Variants in TMEM63C observed in about 807,000 individuals in gnomAD.
TMEM63C encodes osmosensitive cation channel TMEM63C.
A neutral mutation model predicts 99.2 loss-of-function variants in TMEM63C; 32 were observed. The observed-to-expected ratio is 0.32, with a 90% confidence interval of 0.24 to 0.43. TMEM63C has a LOEUF of 0.43. TMEM63C is among the 20% of genes least tolerant of loss of function. The pLI, the probability that TMEM63C is intolerant of heterozygous loss-of-function variation, is 1.00. For synonymous variants in TMEM63C, 376 were observed against 397.9 expected, an observed-to-expected ratio of 0.94 and a Z score of 0.66; for missense variants, 826 against 1,053.0, an observed-to-expected ratio of 0.78 and a Z score of 2.98.
intron 12 of TMEM63C, 128 bp from the exon 13 acceptor site, chr14:77,240,347 G>A: frequency 9.0e-7 from 1 of 1,113,740 alleles, no homozygotes; most frequent in Non-Finnish European, 1.2e-6. Flanking sequence ...GCCAGCCAGG[G>A]TCCTGGGCTC....
At position 77,210,859 on chromosome 14, in the gene TMEM63C, T is replaced by C. The variant is rs192081190; in HGVS notation, c.-76-2587T>C. 1.3e-4 allele frequency among the ~76,000 whole-genome samples: 20 copies of C among 152,154 alleles called. No individual in the cohort carries two copies. The East Asian group carries it at 3.9e-3, about 29-fold the overall frequency. On this transcript the variant is annotated intron_variant, in intron 1 of 23. Transcript: ENST00000298351. ...GGGGGCAGGGTGGGAGCTGTGGCTT[T>C]GTGCACTCTGGGGGTCATGGGGTTG...
intron 6 of TMEM63C, among the ~76,000 whole-genome samples, chr14:77,226,708 G>A (rs1443141111): frequency 3.3e-5 from 5 of 151,902 alleles, no homozygotes; most frequent in African/African-American, 1.2e-4. Flanking sequence ...CTAGAAGCAA[G>A]GTTTCATGGT....
intron 1 of TMEM63C, among the ~76,000 whole-genome samples, chr14:77,197,618 G>A (rs557518295): frequency 2.8e-4 from 42 of 152,282 alleles, no homozygotes; most frequent in African/African-American, 9.4e-4. Context: ...CATTAGATCC[G>A]ATCACTGCAA....
rs538925404 is a variant in TMEM63C, at chr14:77,198,051, T to C, written c.-76-15395T>C. On this transcript the variant is annotated intron_variant, in intron 1 of 23. Transcript: ENST00000298351. Reference sequence around the variant, plus strand: ...GGCCTGCAAATGCAGTGAGCCCTATTTTGAGCTCCAGCCTTGGTCCACATC... The same window carrying C: ...GGCCTGCAAATGCAGTGAGCCCTATCTTGAGCTCCAGCCTTGGTCCACATC... Among the ~76,000 whole-genome samples the C allele has an allele frequency of 2.0e-5, 3 of 152,348 alleles. No individual in the cohort carries two copies. The East Asian group carries it at 5.8e-4, about 29-fold the overall frequency.
chr14:77,252,048 ATGCGTGCATGCATGCGTGCATGCCT>A (rs373960482), intron 22 of TMEM63C, 150 bp downstream of exon 22: 18 of 667,632 alleles, frequency 2.7e-5, no homozygotes, highest in African/African-American at 2.0e-4. Flanking sequence ...CCCAGTGTGC[ATGCGTGCATGCATGCGTGCATGCCT>A]TGCGTGCATG....
intron 7 of TMEM63C, among the ~76,000 whole-genome samples, chr14:77,232,125 A>T (rs17105551): frequency 0.2 from 29,917 of 151,898 alleles, 3,352 homozygotes; most frequent in East Asian, 0.44. Flanking sequence ...CTCTACTCCC[A>T]CTCATTGGAA....
In TMEM63C at chr14:77,248,511, T is replaced by TACAGACTGG; in HGVS notation, c.1764+3_1764+11dup. ...CCAGAGAGAGTCAACATCAGAAAGGTACAGACTGGCTCTCCGCTGAGCACA... is the reference window on the plus strand; with the variant it reads ...CCAGAGAGAGTCAACATCAGAAAGGTACAGACTGGACAGACTGGCTCTCCGCTGAGCACA... On this transcript the variant is annotated splice_region_variant and intron_variant, in intron 19 of 23. Transcript: ENST00000298351. The TACAGACTGG allele has an allele frequency of 1.9e-6, 3 of 1,578,946 alleles. No individual in the cohort carries two copies. Among genetic ancestry groups the TACAGACTGG allele is most frequent in the Non-Finnish European group, 1.7e-6 (2 of 1,162,416 alleles).
rs912393934 is a variant in TMEM63C, at chr14:77,231,623, C to T, written c.386C>T (p.Ala129Val). 10 of 1,551,506 alleles carry T rather than the reference C, an allele frequency of 6.4e-6. No individual in the cohort carries two copies. The highest frequency in any genetic ancestry group is 4.9e-5 in the East Asian group (2 of 40,930). ...EDLINKCGDDARIYIVFQYHL... is the reference protein window; with the variant it reads ...EDLINKCGDDVRIYIVFQYHL... The stretch of plus-strand genomic sequence containing the variant: ...CTGATTAACAAGTGTGGGGACGACG[C>T]GCGCATCTACATCGTGTTCCAGTAC... The change falls in exon 7 of 24, where the codon GCG becomes GTG. Residue 129 changes from alanine (A) to valine (V), a missense_variant. Coordinates refer to ENST00000298351, the MANE Select transcript of TMEM63C (RefSeq NM_020431.4).
intron 7 of TMEM63C, 54 bp from the exon 8 acceptor site, chr14:77,233,398 G>GC (rs1888980002): frequency 1.9e-6 from 3 of 1,583,932 alleles, no homozygotes; most frequent in South Asian, 2.3e-5. Context: ...GAATTCTGGC[G>GC]CCCCCAGCAA....
chr14:77,192,768 AAAGAAT>A (rs921340280), intron 1 of TMEM63C, among the ~76,000 whole-genome samples: 2 of 152,032 alleles, frequency 1.3e-5, no homozygotes, highest in Non-Finnish European at 2.9e-5. Flanking sequence ...CTGCTTCAAG[AAAGAAT>A]AAGACAAAGA....
At chr14:77,219,673 A>T (rs1888654564) in intron 4 of TMEM63C, 96 bp downstream of exon 4, 1 of 1,330,870 alleles carries the variant, frequency 7.5e-7, no homozygotes. Flanking sequence ...GAGCTGCAGC[A>T]GGTGTCTCGC....
At chr14:77,251,765 A>C in intron 21 of TMEM63C, 24 bp from the exon 22 acceptor site, 1 of 1,599,614 alleles carries the variant, frequency 6.3e-7, no homozygotes, top group Non-Finnish European at 8.6e-7. Flanking sequence ...ACTCCTGCCC[A>C]TGACTTTTTC....
At position 77,256,559 on chromosome 14, in the gene TMEM63C, T is replaced by C; in HGVS notation, c.2254T>C (p.Leu752=). ...YVATVLQEPE[L]NLTPASSPAR... Reference sequence around the variant, plus strand: ...GGCCACCGTGCTGCAAGAACCGGAGTTGAATCTGACCCCCGCCTCCTCCCC... The same window carrying C: ...GGCCACCGTGCTGCAAGAACCGGAGCTGAATCTGACCCCCGCCTCCTCCCC... Residue 752 remains leucine (L), a synonymous_variant, in exon 24 of 24, where the codon TTG becomes CTG. Coordinates refer to ENST00000298351, the MANE Select transcript of TMEM63C (RefSeq NM_020431.4). 1 of 1,613,566 alleles carries C rather than the reference T, an allele frequency of 6.2e-7. No individual in the cohort carries two copies. The highest frequency in any genetic ancestry group is 8.5e-7 in the Non-Finnish European group (1 of 1,179,792).
In TMEM63C at chr14:77,251,820, G is replaced by A; in HGVS notation, c.2070G>A (p.Leu690=). 6.2e-7 allele frequency: 1 copy of A among 1,613,938 alleles called. No homozygotes were observed. Among genetic ancestry groups the A allele is most frequent in the African/African-American group, 1.3e-5 (1 of 75,010 alleles). Residue 690 remains leucine (L), a synonymous_variant, in exon 22 of 24, where the codon CTG becomes CTA. Transcript: ENST00000298351. ...TCCACGCCATCACCATCTTTTCCCT[G>A]TCCACCCTCCTCATTGCCATGGTGA... The part of the protein sequence containing the change: ...GSLHAITIFS[L]STLLIAMVIA...
At chr14:77,225,370 G>T in intron 5 of TMEM63C, 54 bp from the exon 6 acceptor site, 1 of 1,591,004 alleles carries the variant, frequency 6.3e-7, no homozygotes, top group East Asian at 2.3e-5. Flanking sequence ...CCCAGAGCTG[G>T]GCAGGGCAGG....
Position 77,243,042 on chromosome 14 carries a change from A to G in TMEM63C, c.1327A>G (p.Ile443Val), listed in dbSNP as rs746073864. 11 of 1,613,754 alleles carry G rather than the reference A, an allele frequency of 6.8e-6. No individual in the cohort carries two copies. The highest frequency in any genetic ancestry group is 1.1e-5 in the South Asian group (1 of 91,062). ...TIDMYNVTRP[I>V]EKLQNPIVTQ... Reference sequence around the variant, plus strand: ...CGACATGTACAACGTCACCCGCCCCATCGAGAAGCTGCAGGTGCCTCCTCT... The same window carrying G: ...CGACATGTACAACGTCACCCGCCCCGTCGAGAAGCTGCAGGTGCCTCCTCT... Residue 443 changes from isoleucine (I) to valine (V), a missense_variant, in exon 15 of 24, where the codon ATC becomes GTC. By Grantham distance (29) the Ile-to-Val change is conservative (BLOSUM62 3). Transcript: ENST00000298351.
intron 1 of TMEM63C, among the ~76,000 whole-genome samples, chr14:77,186,811 G>GTC (rs1888007156): frequency 6.8e-6 from 1 of 147,664 alleles, no homozygotes; most frequent in Non-Finnish European, 1.5e-5. Context: ...CTGTGTGTGT[G>GTC]TGTGTGTGTC....
intron 5 of TMEM63C, among the ~76,000 whole-genome samples, chr14:77,222,752 T>C (rs112123355): frequency 9.2e-5 from 14 of 152,350 alleles, no homozygotes; most frequent in African/African-American, 3.4e-4. Context: ...TGTTGAGATT[T>C]CAGCTTAAGC....
At chr14:77,202,863 A>G (rs944731772) in intron 1 of TMEM63C, among the ~76,000 whole-genome samples, 3 of 68,192 alleles carry the variant, frequency 4.4e-5, no homozygotes, top group Non-Finnish European at 7.9e-5. Context: ...ACACACACAC[A>G]CACGCACACA....
Sources: allele counts gnomAD v4.1 joint callset (sites outside exome capture counted in the v4.1 genomes callset), GRCh38; gene constraint gnomAD v4.1.1; transcripts MANE v1.5; gene names NCBI Gene and HGNC (gene_info 2026-07-23, HGNC 2026-07-21).